Variants in TAFA5 observed in about 807,000 individuals in gnomAD.
The protein encoded by TAFA5 is chemokine-like protein TAFA-5.
A neutral mutation model predicts 15.3 loss-of-function variants in TAFA5; 6 were observed. That is an observed-to-expected ratio of 0.39 (90% confidence interval 0.21 to 0.77). TAFA5 has a LOEUF of 0.77. TAFA5 is among the 30% of genes least tolerant of loss of function. The pLI is 0.41. For synonymous variants in TAFA5, 103 were observed against 80.7 expected (o/e 1.28, Z -1.48); for missense variants, 161 against 193.1 (o/e 0.83, Z 0.98).
intron 2 of TAFA5, among the ~76,000 whole-genome samples, chr22:48,667,128 C>T (rs1362166172): frequency 2.6e-5 from 4 of 152,114 alleles, no homozygotes; most frequent in Non-Finnish European, 5.9e-5. Flanking sequence ...ATGCAGCAGG[C>T]CCGTTTCTGC....
At chr22:48,697,102 G>T (rs1240718408) in intron 2 of TAFA5, among the ~76,000 whole-genome samples, 5 of 152,218 alleles carry the variant, frequency 3.3e-5, no homozygotes, top group Admixed American at 1.3e-4. Flanking sequence ...ATCTACTGGG[G>T]AGGATCCAAG....
chr22:48,737,081 C>T (rs2147271019), intron 3 of TAFA5, among the ~76,000 whole-genome samples: 1 of 152,240 alleles, frequency 6.6e-6, no homozygotes, highest in Admixed American at 6.5e-5. Flanking sequence ...GACAGCACAG[C>T]AGCTGCAGGT....
intron 3 of TAFA5, among the ~76,000 whole-genome samples, chr22:48,740,749 TGTG>T (rs1246111431): frequency 1.3e-5 from 2 of 152,028 alleles, no homozygotes; most frequent in South Asian, 2.1e-4. Context: ...TTCACAGAGA[TGTG>T]GTGGCTGCGA....
At chr22:48,549,973 C>G (rs1046537931) in intron 1 of TAFA5, among the ~76,000 whole-genome samples, 1 of 152,250 alleles carries the variant, frequency 6.6e-6, no homozygotes, top group Non-Finnish European at 1.5e-5. Context: ...CAATGATGCA[C>G]TCATCCCTGA....
intron 1 of TAFA5, among the ~76,000 whole-genome samples, chr22:48,586,642 G>C (rs1289164136): frequency 6.6e-6 from 1 of 152,250 alleles, no homozygotes; most frequent in Non-Finnish European, 1.5e-5. Flanking sequence ...CACATTTGCA[G>C]GGGTGCAGGG....
At chr22:48,654,700 C>T (rs929581962) in intron 2 of TAFA5, among the ~76,000 whole-genome samples, 31 of 152,162 alleles carry the variant, frequency 2.0e-4, no homozygotes, top group African/African-American at 7.0e-4. Flanking sequence ...ATTTTTGAGC[C>T]GAATGACTCA....
intron 2 of TAFA5, among the ~76,000 whole-genome samples, chr22:48,688,992 GAAAAAA>G (rs78797172): frequency 7.3e-5 from 6 of 82,560 alleles, no homozygotes; most frequent in African/African-American, 2.2e-4. Context: ...ACTTGTCTCG[GAAAAAA>G]AAAAAAAAAA....
intron 1 of TAFA5, among the ~76,000 whole-genome samples, chr22:48,547,604 G>T (rs1032955476): frequency 1.1e-4 from 16 of 151,994 alleles, no homozygotes; most frequent in Non-Finnish European, 2.4e-4. Flanking sequence ...GTGTTCAGGG[G>T]TGCTGCCTTA....
chr22:48,704,645 A>T (rs1459489837), intron 2 of TAFA5, among the ~76,000 whole-genome samples: 1 of 150,520 alleles, frequency 6.6e-6, no homozygotes, highest in Admixed American at 6.7e-5. Context: ...CCCACGTGCC[A>T]TGTTAGTGGC....
chr22:48,604,848 A>G (rs34827013), intron 1 of TAFA5, among the ~76,000 whole-genome samples: 24,594 of 151,888 alleles, frequency 0.16, 2,482 homozygotes, highest in African/African-American at 0.28. Flanking sequence ...TGGGATGGAG[A>G]AGTTTTCTGG....
chr22:48,562,194 G>A (rs1209212739), intron 1 of TAFA5, among the ~76,000 whole-genome samples: 1 of 152,016 alleles, frequency 6.6e-6, no homozygotes, highest in Non-Finnish European at 1.5e-5. Context: ...TTGGAGTGCA[G>A]TGGCGCCATC....
intron 1 of TAFA5, among the ~76,000 whole-genome samples, chr22:48,605,765 A>C (rs922826736): frequency 1.3e-5 from 2 of 152,164 alleles, no homozygotes; most frequent in African/African-American, 4.8e-5. Flanking sequence ...ATGTACTGAA[A>C]ATGATTAACA....
In TAFA5 at chr22:48,600,599, G is replaced by A. The variant is rs548586925; in HGVS notation, c.113-45998G>A. Among the ~76,000 whole-genome samples, 29 of 152,338 alleles carry A rather than the reference G, an allele frequency of 1.9e-4. No individual in the cohort carries two copies. The South Asian group carries it at 5.8e-3, about 30-fold the overall frequency. ...GTGTGCATCTTCGTTGGCGACACACGTGTGCAATAGTTCTTCCATTTCATT... is the reference window on the plus strand; with the variant it reads ...GTGTGCATCTTCGTTGGCGACACACATGTGCAATAGTTCTTCCATTTCATT... On this transcript the variant is annotated intron_variant, in intron 1 of 3. Coordinates refer to ENST00000402357, the MANE Select transcript of TAFA5 (RefSeq NM_001082967.3).
chr22:48,668,792 G>A (rs1460891364), intron 2 of TAFA5, among the ~76,000 whole-genome samples: 1 of 152,062 alleles, frequency 6.6e-6, no homozygotes, highest in Non-Finnish European at 1.5e-5. Flanking sequence ...CACAGGCCGC[G>A]ATCTTGGGAG....
At chr22:48,545,250 T>C (rs148684736) in intron 1 of TAFA5, 165 of 264,140 alleles carry the variant, frequency 6.2e-4, no homozygotes, top group Non-Finnish European at 5.2e-4. Context: ...CCATTTGGCG[T>C]AAGGCCTCTG....
At chr22:48,622,163 G>A (rs1483450302) in intron 1 of TAFA5, among the ~76,000 whole-genome samples, 2 of 152,106 alleles carry the variant, frequency 1.3e-5, no homozygotes, top group African/African-American at 4.8e-5. Flanking sequence ...GGGGTACCGG[G>A]GGCCCACCTT....
chr22:48,617,836 C>A (rs1246036478), intron 1 of TAFA5, among the ~76,000 whole-genome samples: 1 of 76,768 alleles, frequency 1.3e-5, no homozygotes, highest in African/African-American at 6.2e-5. Flanking sequence ...TCTGTACCAC[C>A]CCCTGCCTGG....
chr22:48,555,962 T>G (rs1255962666), intron 1 of TAFA5, among the ~76,000 whole-genome samples: 1 of 152,138 alleles, frequency 6.6e-6, no homozygotes, highest in Non-Finnish European at 1.5e-5. Flanking sequence ...AGGGCCCTCT[T>G]CTTGTTCTAG....
chr22:48,611,229 T>G (rs1337345636), intron 1 of TAFA5, among the ~76,000 whole-genome samples: 1 of 152,190 alleles, frequency 6.6e-6, no homozygotes, highest in East Asian at 1.9e-4. Context: ...GGCACCGCAC[T>G]CAGCCTATTT....
Sources: allele counts gnomAD v4.1 joint callset (sites outside exome capture counted in the v4.1 genomes callset), GRCh38; gene constraint gnomAD v4.1.1; transcripts MANE v1.5; gene names NCBI Gene and HGNC (gene_info 2026-07-23, HGNC 2026-07-21).